TLE4: variants seen among roughly 807,000 people sequenced by gnomAD.
The protein encoded by TLE4 is TLE family member 4, transcriptional corepressor, also known as transducin-like enhancer protein 4.
In TLE4, 8 loss-of-function variants were observed where a neutral mutation model predicts 92.8. The ratio of observed to expected loss-of-function variants is 0.09; its 90% CI spans 0.05 to 0.16. The LOEUF (loss-of-function observed/expected upper bound fraction) is 0.16. TLE4 is among the 10% of genes least tolerant of loss of function. TLE4 has a pLI of 1.00. For missense variants in TLE4, 675 were observed against 997.6 expected, an observed-to-expected ratio of 0.68 and a Z score of 4.36; for synonymous variants, 371 against 374.1, an observed-to-expected ratio of 0.99 and a Z score of 0.10.
At chr9:79,665,214 T>C (rs551081239) in intron 8 of TLE4, among the ~76,000 whole-genome samples, 24 of 152,224 alleles carry the variant, frequency 1.6e-4, no homozygotes, top group Non-Finnish European at 3.1e-4. Context: ...ATTATATTAA[T>C]GGTTCCTGAC....
At chr9:79,699,517 T>G (rs2069187389) in intron 8 of TLE4, among the ~76,000 whole-genome samples, 1 of 152,236 alleles carries the variant, frequency 6.6e-6, no homozygotes. Context: ...ACCCTTGACA[T>G]ATTTTAGTGG....
intron 13 of TLE4, among the ~76,000 whole-genome samples, chr9:79,709,394 T>A (rs1177728655): frequency 6.6e-6 from 1 of 152,226 alleles, no homozygotes; most frequent in Non-Finnish European, 1.5e-5. Flanking sequence ...TACCATGAGC[T>A]TCAATAATCA....
chr9:79,648,617 A>T (rs1439322910), intron 6 of TLE4, among the ~76,000 whole-genome samples: 1 of 152,232 alleles, frequency 6.6e-6, no homozygotes, highest in African/African-American at 2.4e-5. Context: ...AAATAAGCTG[A>T]TGGAGACTTA....
chr9:79,679,767 T>G (rs2064087168), intron 8 of TLE4, among the ~76,000 whole-genome samples: 1 of 152,166 alleles, frequency 6.6e-6, no homozygotes, highest in Non-Finnish European at 1.5e-5. Context: ...ATGTAAGTCT[T>G]TAATCCATCT....
intron 13 of TLE4, 44 bp from the exon 14 acceptor site, chr9:79,709,579 T>C: frequency 6.4e-7 from 1 of 1,562,028 alleles, no homozygotes. Context: ...ACAAGTCAAA[T>C]GTAACTGTGC....
chr9:79,668,792 A>G, intron 8 of TLE4: 2 of 985,184 alleles, frequency 2.0e-6, no homozygotes, highest in Non-Finnish European at 2.4e-6. Flanking sequence ...GCTTTAAACA[A>G]AATACTCTTT....
intron 10 of TLE4, among the ~76,000 whole-genome samples, chr9:79,706,158 G>A (rs925848737): frequency 3.3e-5 from 5 of 151,992 alleles, no homozygotes; most frequent in South Asian, 2.1e-4. Flanking sequence ...GATTCTCCCT[G>A]TTCAGCCTCC....
intron 8 of TLE4, among the ~76,000 whole-genome samples, chr9:79,700,397 T>C (rs2069479705): frequency 6.6e-6 from 1 of 152,174 alleles, no homozygotes; most frequent in Non-Finnish European, 1.5e-5. Context: ...TACATTGTCA[T>C]CTTTGATCTT....
intron 8 of TLE4, among the ~76,000 whole-genome samples, chr9:79,664,024 A>C (rs1027351317): frequency 6.6e-6 from 1 of 152,224 alleles, no homozygotes; most frequent in African/African-American, 2.4e-5. Flanking sequence ...TGTGAAATGC[A>C]TGAACATCTG....
chr9:79,642,558 A>G (rs574968837), intron 6 of TLE4, among the ~76,000 whole-genome samples: 1 of 152,226 alleles, frequency 6.6e-6, no homozygotes, highest in African/African-American at 2.4e-5. Context: ...GTTAAAGACT[A>G]AAAATTTTTC....
At chr9:79,610,751 A>T (rs1364548206) in intron 4 of TLE4, among the ~76,000 whole-genome samples, 2 of 152,036 alleles carry the variant, frequency 1.3e-5, no homozygotes, top group African/African-American at 2.4e-5. Flanking sequence ...AAAATGTAGA[A>T]TTTTTTTAAA....
At position 79,700,223 on chromosome 9, in the gene TLE4, T is replaced by TA. The variant is rs1413659162; in HGVS notation, c.610-4559dup. Among the ~76,000 whole-genome samples, 9 of 152,368 alleles carry TA rather than the reference T, an allele frequency of 5.9e-5. No individual in the cohort carries two copies. In the East Asian group the frequency reaches 1.7e-3, roughly 29 times the overall value. On this transcript the variant is annotated intron_variant, in intron 8 of 19. Transcript: ENST00000376552. ...GAGGCTGAGACTAAGCAACATCCCTTACGGCTATTAAGTGAAGACTCTAGA... is the reference window on the plus strand; with the variant it reads ...GAGGCTGAGACTAAGCAACATCCCTTAACGGCTATTAAGTGAAGACTCTAGA...
At chr9:79,684,523 C>T (rs2065398574) in intron 8 of TLE4, among the ~76,000 whole-genome samples, 1 of 151,850 alleles carries the variant, frequency 6.6e-6, no homozygotes, top group African/African-American at 2.4e-5. Flanking sequence ...TTGTACACTT[C>T]TTATGAGAAT....
At chr9:79,609,873 G>A (rs545592724) in intron 4 of TLE4, among the ~76,000 whole-genome samples, 9 of 152,190 alleles carry the variant, frequency 5.9e-5, no homozygotes, top group African/African-American at 2.2e-4. Flanking sequence ...TACTGGCGTA[G>A]CCTGATGGAT....
intron 4 of TLE4, 42 bp from the exon 5 acceptor site, chr9:79,612,614 G>A (rs1306751745): frequency 4.5e-6 from 7 of 1,550,224 alleles, no homozygotes; most frequent in Non-Finnish European, 6.2e-6. Flanking sequence ...GTAACCAGCT[G>A]ACTGTTCTCT....
chr9:79,630,354 A>G (rs2053846300), intron 6 of TLE4, among the ~76,000 whole-genome samples: 1 of 152,158 alleles, frequency 6.6e-6, no homozygotes, highest in South Asian at 2.1e-4. Flanking sequence ...AGTTATAATG[A>G]TTTCTTTCAC....
intron 6 of TLE4, among the ~76,000 whole-genome samples, chr9:79,634,267 C>A (rs1423216605): frequency 6.6e-6 from 1 of 152,176 alleles, no homozygotes. Flanking sequence ...TGTCAGCTTG[C>A]TGGTATTACA....
chr9:79,598,076 A>G (rs1379262617), intron 4 of TLE4, among the ~76,000 whole-genome samples: 3 of 95,280 alleles, frequency 3.1e-5, no homozygotes, highest in South Asian at 3.0e-4. Flanking sequence ...ACTGAAAAAG[A>G]AAAAAAAAAA....
chr9:79,707,700 A>G (rs143834653), intron 11 of TLE4, among the ~76,000 whole-genome samples: 99 of 152,170 alleles, frequency 6.5e-4, no homozygotes, highest in Middle Eastern at 3.4e-3. Context: ...CTTAGTCTCT[A>G]TGACAATTCA....
Sources: allele counts gnomAD v4.1 joint callset (sites outside exome capture counted in the v4.1 genomes callset), GRCh38; gene constraint gnomAD v4.1.1; transcripts MANE v1.5; gene names NCBI Gene and HGNC (gene_info 2026-07-23, HGNC 2026-07-21).